MET: variants seen among roughly 807,000 people sequenced by gnomAD.
The protein encoded by MET is hepatocyte growth factor receptor.
Under a neutral mutation model 133.1 loss-of-function variants are expected in MET, and 48 were observed. That is an observed-to-expected ratio of 0.36 (90% CI 0.29 to 0.46). MET has a LOEUF of 0.46. Among genes scored for constraint, MET ranks in the 20% least tolerant of loss-of-function variants. MET has a pLI of 1.00. For synonymous variants in MET, 628 were observed against 616.5 expected, an observed-to-expected ratio of 1.02 and a Z score of -0.28; for missense variants, 1,442 against 1,695.9, an observed-to-expected ratio of 0.85 and a Z score of 2.63.
chr7:116,708,184 G>C (rs1791869603), intron 2 of MET, among the ~76,000 whole-genome samples: 1 of 152,112 alleles, frequency 6.6e-6, no homozygotes, highest in Non-Finnish European at 1.5e-5. Flanking sequence ...TGTGCTGTGA[G>C]GGAAATAAAC....
chr7:116,757,576 C>G (rs747473463), intron 7 of MET, 37 bp downstream of exon 7: 1 of 1,612,474 alleles, frequency 6.2e-7, no homozygotes, highest in Admixed American at 1.7e-5. Flanking sequence ...TTGATTTTTA[C>G]TTAATCTATT....
At chr7:116,772,040 G>T (rs754953870) in intron 14 of MET, 51 bp downstream of exon 14, 3 of 1,594,378 alleles carry the variant, frequency 1.9e-6, no homozygotes, top group Non-Finnish European at 2.6e-6. Context: ...TACCTCAGTG[G>T]GTTGTGACAT....
chr7:116,724,890 T>G (rs547218935), intron 2 of MET: 4 of 1,265,882 alleles, frequency 3.2e-6, no homozygotes, highest in Non-Finnish European at 4.1e-6. Context: ...CTAGGCTTCT[T>G]GTTCTGAGAT....
At chr7:116,673,286 C>T (rs1224767478) in intron 1 of MET, among the ~76,000 whole-genome samples, 1 of 152,202 alleles carries the variant, frequency 6.6e-6, no homozygotes, top group Non-Finnish European at 1.5e-5. Context: ...TTAAAAGAGC[C>T]ATTTGCTAAT....
chr7:116,755,036 G>GAAAGAAAGAAAGAA (rs1554394838), intron 5 of MET, among the ~76,000 whole-genome samples: 1 of 151,356 alleles, frequency 6.6e-6, no homozygotes, highest in Non-Finnish European at 1.5e-5. Flanking sequence ...AAGAAAGAAA[G>GAAAGAAAGAAAGAA]AAAGAAAAGA....
chr7:116,783,921 C>A (rs1795227714), intron 19 of MET, among the ~76,000 whole-genome samples: 1 of 152,214 alleles, frequency 6.6e-6, no homozygotes, highest in East Asian at 1.9e-4. Flanking sequence ...AAAGTGCCTT[C>A]CCTTATCTGC....
At chr7:116,745,035 G>A (rs1053539137) in intron 5 of MET, among the ~76,000 whole-genome samples, 10 of 152,172 alleles carry the variant, frequency 6.6e-5, no homozygotes, top group Non-Finnish European at 1.5e-4. Context: ...AAACTCCATC[G>A]TCTCAGCCCA....
chr7:116,750,050 T>A (rs540597455), intron 5 of MET, among the ~76,000 whole-genome samples: 1 of 152,282 alleles, frequency 6.6e-6, no homozygotes, highest in African/African-American at 2.4e-5. Context: ...AAAGCTACCA[T>A]TGACTTTCTT....
At chr7:116,782,506 G>A (rs1719152365) in intron 18 of MET, among the ~76,000 whole-genome samples, 1 of 152,222 alleles carries the variant, frequency 6.6e-6, no homozygotes, top group South Asian at 2.1e-4. Context: ...CCAGCCTGCA[G>A]AAGCCCTACC....
At chr7:116,701,290 C>G (rs536104082) in intron 2 of MET, among the ~76,000 whole-genome samples, 1 of 152,204 alleles carries the variant, frequency 6.6e-6, no homozygotes, top group South Asian at 2.1e-4. Flanking sequence ...GACAGTTTGA[C>G]TTTGGCATGG....
intron 9 of MET, 135 bp downstream of exon 9, chr7:116,758,755 T>A (rs941691862): frequency 3.6e-6 from 3 of 825,958 alleles, no homozygotes; most frequent in Non-Finnish European, 3.9e-6. Context: ...TTCTTTCCAA[T>A]TCAGGAGAGA....
intron 19 of MET, among the ~76,000 whole-genome samples, chr7:116,793,916 A>G (rs575514101): frequency 6.6e-6 from 1 of 152,136 alleles, no homozygotes; most frequent in African/African-American, 2.4e-5. Context: ...AAAAAAGGAA[A>G]GAAAGAACAC....
At position 116,699,737 on chromosome 7, in the gene MET, G is replaced by T. The variant is rs1441045077; in HGVS notation, c.653G>T (p.Arg218Met). 6 of 1,614,084 alleles carry T rather than the reference G, an allele frequency of 3.7e-6. No individual in the cohort carries two copies. Among genetic ancestry groups the T allele is most frequent in the Non-Finnish European group, 5.1e-6 (6 of 1,179,976 alleles). The change falls in exon 2 of 21, where the codon AGG (arginine) becomes ATG (methionine). Residue 218 changes from arginine to methionine, a missense_variant. By Grantham distance (91) the Arg-to-Met change is moderately conservative. This residue lies in a region of MET where 762 missense variants were observed against 792.4 expected (regional missense o/e 0.96). Coordinates refer to ENST00000397752, the MANE Select transcript of MET (RefSeq NM_000245.4). ...CCATTGCATTCGATATCAGTGAGAAGGCTAAAGGAAACGAAAGATGGTTTT... is the reference window on the plus strand; with the variant it reads ...CCATTGCATTCGATATCAGTGAGAATGCTAAAGGAAACGAAAGATGGTTTT... Reference protein sequence around the residue: ...DHPLHSISVRRLKETKDGFMF... With the variant: ...DHPLHSISVRMLKETKDGFMF...
intron 2 of MET, among the ~76,000 whole-genome samples, chr7:116,711,637 T>C (rs1792001379): frequency 6.6e-6 from 1 of 152,148 alleles, no homozygotes; most frequent in Non-Finnish European, 1.5e-5. Context: ...GTTTTTTTTT[T>C]TGTTTAGTGT....
chr7:116,758,743 G>A, intron 9 of MET, 123 bp downstream of exon 9: 1 of 951,904 alleles, frequency 1.1e-6, no homozygotes, highest in South Asian at 1.5e-5. Context: ...GCTTTTGAAG[G>A]CTTCTTTCCA....
intron 3 of MET, among the ~76,000 whole-genome samples, chr7:116,736,505 C>T (rs1375263433): frequency 6.6e-6 from 1 of 151,990 alleles, no homozygotes; most frequent in Non-Finnish European, 1.5e-5. Context: ...AAAGATAAAA[C>T]TGTATATGGG....
intron 1 of MET, among the ~76,000 whole-genome samples, chr7:116,676,946 G>T (rs1796178762): frequency 6.6e-6 from 1 of 151,856 alleles, no homozygotes; most frequent in African/African-American, 2.4e-5. Context: ...CACATCTCTT[G>T]GTTTATGAGA....
At chr7:116,746,224 A>G (rs1793675217) in intron 5 of MET, among the ~76,000 whole-genome samples, 1 of 152,248 alleles carries the variant, frequency 6.6e-6, no homozygotes, top group South Asian at 2.1e-4. Flanking sequence ...TCAAAACCGC[A>G]ATGAGATACC....
At chr7:116,786,075 A>C (rs1345795109) in intron 19 of MET, among the ~76,000 whole-genome samples, 1 of 152,258 alleles carries the variant, frequency 6.6e-6, no homozygotes, top group African/African-American at 2.4e-5. Context: ...AACCATTCTG[A>C]AGGCTAGAAG....
Sources: gnomAD v4.1 joint callset for allele counts (sites outside exome capture counted in the v4.1 genomes callset) on GRCh38, gnomAD v4.1.1 for gene constraint, gnomAD v4.1.1 regional missense constraint, MANE v1.5 for transcripts, NCBI Gene and HGNC (gene_info 2026-07-23, HGNC 2026-07-21) for gene names.